The following LNX2 variants were observed in gnomAD, a reference collection of about 807,000 sequenced individuals.
The protein encoded by LNX2 is ligand of Numb protein X 2.
Under a neutral mutation model 66.2 loss-of-function variants are expected in LNX2, and 35 were observed. The observed-to-expected ratio is 0.53, with a 90% CI of 0.40 to 0.70. The LOEUF (loss-of-function observed/expected upper bound fraction) is 0.70. Ranked by LOEUF, LNX2 falls within the 30% of genes least tolerant of loss-of-function variation. The pLI is 0.00. For synonymous variants in LNX2, 337 were observed against 315.6 expected, an observed-to-expected ratio of 1.07 and a Z score of -0.72; for missense variants, 791 against 850.8, an observed-to-expected ratio of 0.93 and a Z score of 0.87.
rs375184301 is a variant in LNX2 at position 27,567,634 on chromosome 13, T to C, written c.855+6A>G. On this transcript the variant is annotated splice_donor_region_variant and intron_variant, in intron 4 of 9. Coordinates refer to ENST00000316334, the MANE Select transcript of LNX2 (RefSeq NM_153371.4). ...CACAAGTTAACAGAATAATTAAAAC[T>C]GATACCTGAAGAATCTGGTCTCCAG... 8 of 1,612,478 alleles carry C rather than the reference T, an allele frequency of 5.0e-6. No homozygotes were observed. In the African/African-American group the frequency reaches 5.3e-5, roughly 11 times the overall value.
At chr13:27,603,519 C>T (rs778701739) in intron 1 of LNX2, among the ~76,000 whole-genome samples, 18 of 152,140 alleles carry the variant, frequency 1.2e-4, no homozygotes, top group Non-Finnish European at 2.2e-4. Context: ...CTTACATAAT[C>T]GATGCCATTA....
chr13:27,615,307 T>C (rs751232837), intron 1 of LNX2, among the ~76,000 whole-genome samples: 2 of 152,110 alleles, frequency 1.3e-5, no homozygotes, highest in Non-Finnish European at 2.9e-5. Flanking sequence ...TTACAAAGGA[T>C]ATAGATGAAG....
intron 2 of LNX2, among the ~76,000 whole-genome samples, chr13:27,573,290 A>G (rs1330398807): frequency 6.6e-6 from 1 of 152,084 alleles, no homozygotes. Flanking sequence ...TGACCTGTCT[A>G]TGGTTCCCCT....
In LNX2 at chr13:27,547,239, T is replaced by C. The variant is rs989398660; in HGVS notation, c.*1096A>G. The C allele has an allele frequency of 6.6e-6, 1 of 152,172 alleles. No individual in the cohort carries two copies. Among genetic ancestry groups the C allele is most frequent in the Non-Finnish European group, 1.5e-5 (1 of 68,012 alleles). The allele number at this position is 152,172 out of a possible 1,614,324, so 9.4% of individuals were successfully genotyped here. On this transcript the variant is annotated 3_prime_UTR_variant, in exon 10 of 10. Transcript: ENST00000316334. Reference sequence around the variant, plus strand: ...GCTAAGAATAACACAACTCTAGAAATAATTTTTTAGCAAAAACTACTTCAA... The same window carrying C: ...GCTAAGAATAACACAACTCTAGAAACAATTTTTTAGCAAAAACTACTTCAA...
intron 1 of LNX2, among the ~76,000 whole-genome samples, chr13:27,583,106 T>C (rs557502219): frequency 1.3e-5 from 2 of 152,140 alleles, no homozygotes; most frequent in East Asian, 1.9e-4. Context: ...AGATATGTTA[T>C]ACATTTCAAT....
At chr13:27,562,313 A>T in intron 5 of LNX2, 100 bp downstream of exon 5, 1 of 1,405,120 alleles carries the variant, frequency 7.1e-7, no homozygotes, top group Non-Finnish European at 9.7e-7. Context: ...AATGAAATAT[A>T]AAATGTCCCC....
chr13:27,569,247 G>A lies in LNX2; in HGVS notation c.437C>T (p.Ala146Val). 6.2e-7 allele frequency: 1 copy of A among 1,613,092 alleles called. No homozygotes were observed. Among genetic ancestry groups the A allele is most frequent in the South Asian group, 1.1e-5 (1 of 90,976 alleles). The stretch of plus-strand genomic sequence containing the variant: ...TCTACTAGTTTTCCTTCTCTCCAGG[G>A]CAACTCTCCGATGAGAAGCTCCAGG... ...RCPGASHRRV[A>V]LERRKTSRTQ... The change falls in exon 3 of 10, where the codon GCC becomes GTC. Residue 146 changes from alanine to valine, a missense_variant. Coordinates refer to ENST00000316334, the MANE Select transcript of LNX2 (RefSeq NM_153371.4).
rs991390562 is a variant in LNX2 at position 27,550,230 on chromosome 13, A to G, written c.1937+103T>C. 1.3e-5 allele frequency: 14 copies of G among 1,048,198 alleles called. No individual in the cohort carries two copies. In the African/African-American group the frequency reaches 2.2e-4, roughly 17 times the overall value. 64.9% of individuals were successfully genotyped at this position (1,048,198 alleles called of 1,614,324 possible). ...TGCACTGCAATGAAACTTTATTTTC[A>G]AAAAGATAATGGGCTGGATTTAGTG... is the stretch of plus-strand genomic sequence containing the variant. On this transcript the variant is annotated intron_variant, in intron 9 of 9. Transcript: ENST00000316334.
chr13:27,612,685 A>C (rs1289115422), intron 1 of LNX2, among the ~76,000 whole-genome samples: 2 of 152,058 alleles, frequency 1.3e-5, no homozygotes, highest in African/African-American at 4.8e-5. Flanking sequence ...TGCAGCCTCA[A>C]CCTCCTGGGC....
At position 27,581,796 on chromosome 13, in the gene LNX2, G is replaced by C. The variant is rs952756188; in HGVS notation, c.-93C>G. The C allele has an allele frequency of 1.9e-6, 2 of 1,073,108 alleles. No individual in the cohort carries two copies. Among genetic ancestry groups the C allele is most frequent in the Non-Finnish European group, 2.6e-6 (2 of 756,404 alleles). 66.5% of individuals were successfully genotyped at this position (1,073,108 alleles called of 1,614,324 possible). A position where few individuals can be genotyped will look rare whatever the true frequency, so the allele number is the denominator to read the frequency against. ...TGATGTATCTGACTAAAGTCAAGGT[G>C]TGTTTTTCTAGATAAGCAAAACAAA... On this transcript the variant is annotated 5_prime_UTR_variant, in exon 2 of 10. Coordinates refer to ENST00000316334, the MANE Select transcript of LNX2 (RefSeq NM_153371.4).
chr13:27,553,921 T>C (rs1311501566), intron 7 of LNX2, among the ~76,000 whole-genome samples: 2 of 152,350 alleles, frequency 1.3e-5, no homozygotes, highest in South Asian at 2.1e-4. Flanking sequence ...TCAGAATATG[T>C]ACAAAGAAGC....
upstream of LNX2, chr13:27,620,616 C>G (rs1444015258): frequency 1.3e-5 from 2 of 154,592 alleles, no homozygotes; most frequent in East Asian, 1.9e-4. Context: ...AGCGGCCCAA[C>G]CCGCACCCGG....
At chr13:27,601,814 G>C (rs1259172742) in intron 1 of LNX2, among the ~76,000 whole-genome samples, 1 of 152,086 alleles carries the variant, frequency 6.6e-6, no homozygotes. Flanking sequence ...AGCTTCCAGA[G>C]TAGCTAGGAT....
chr13:27,553,569 G>A (rs926344826), intron 7 of LNX2, 130 bp from the exon 8 acceptor site: 2 of 607,292 alleles, frequency 3.3e-6, no homozygotes, highest in South Asian at 2.1e-5. Flanking sequence ...AATAATAAAT[G>A]GCATTTATTA....
intron 1 of LNX2, among the ~76,000 whole-genome samples, chr13:27,613,325 G>C (rs1955792650): frequency 6.6e-6 from 1 of 152,156 alleles, no homozygotes; most frequent in Admixed American, 6.5e-5. Context: ...GTTGCTGTGA[G>C]GGGGAGGGGG....
intron 2 of LNX2, among the ~76,000 whole-genome samples, chr13:27,580,081 CTGA>C (rs1420436463): frequency 6.6e-6 from 1 of 152,000 alleles, no homozygotes; most frequent in Non-Finnish European, 1.5e-5. Flanking sequence ...TGTCTTAACT[CTGA>C]TGTTTAGAAA....
intron 1 of LNX2, among the ~76,000 whole-genome samples, chr13:27,593,314 C>T (rs1218969336): frequency 2.6e-5 from 4 of 152,136 alleles, no homozygotes; most frequent in African/African-American, 9.7e-5. Flanking sequence ...AAAAACAAAT[C>T]ATTCTTCTAC....
At chr13:27,593,081 C>T (rs536963331) in intron 1 of LNX2, among the ~76,000 whole-genome samples, 36 of 152,238 alleles carry the variant, frequency 2.4e-4, no homozygotes, top group African/African-American at 8.7e-4. Flanking sequence ...GCATTCCACC[C>T]CATTAACAAA....
At chr13:27,590,208 T>C (rs1955532540) in intron 1 of LNX2, among the ~76,000 whole-genome samples, 1 of 152,112 alleles carries the variant, frequency 6.6e-6, no homozygotes, top group African/African-American at 2.4e-5. Context: ...TGCTGCTGCA[T>C]CTATGGTTGG....
Sources: allele counts gnomAD v4.1 joint callset (sites outside exome capture counted in the v4.1 genomes callset), GRCh38; gene constraint gnomAD v4.1.1; transcripts MANE v1.5; gene names NCBI Gene and HGNC (gene_info 2026-07-23, HGNC 2026-07-21).